Variants in TOM1L1 observed in about 807,000 individuals in gnomAD.
The protein encoded by TOM1L1 is TOM1-like protein 1.
A neutral mutation model predicts 63.4 loss-of-function variants in TOM1L1; 64 were observed. That is an observed-to-expected ratio of 1.01 (90% CI 0.83 to 1.24). The LOEUF is 1.24. Among genes scored for constraint, TOM1L1 ranks in the 50% most tolerant of loss-of-function variants. The pLI is 0.00. For synonymous variants in TOM1L1, 166 were observed against 194.4 expected, an observed-to-expected ratio of 0.85 and a Z score of 1.22; for missense variants, 536 against 567.0, an observed-to-expected ratio of 0.95 and a Z score of 0.55.
intron 2 of TOM1L1, among the ~76,000 whole-genome samples, chr17:54,904,753 C>G (rs776488487): frequency 1.3e-5 from 2 of 152,180 alleles, no homozygotes; most frequent in Non-Finnish European, 2.9e-5. Flanking sequence ...GAACACAATT[C>G]TGGTAATTTT....
intron 7 of TOM1L1, among the ~76,000 whole-genome samples, chr17:54,920,026 C>T (rs2048657761): frequency 6.6e-6 from 1 of 150,932 alleles, no homozygotes; most frequent in East Asian, 2.0e-4. Flanking sequence ...TTCATTTTTT[C>T]CCCCTCTAAC....
intron 11 of TOM1L1, among the ~76,000 whole-genome samples, chr17:54,943,792 T>C (rs1221292849): frequency 2.6e-5 from 4 of 151,562 alleles, no homozygotes; most frequent in Non-Finnish European, 2.9e-5. Flanking sequence ...TCCTAGCTAA[T>C]ACGGTGAAAC....
Position 54,914,676 on chromosome 17 carries a change from C to T in TOM1L1, c.536C>T (p.Pro179Leu). The change falls in exon 6 of 16, where the codon CCT becomes CTT. Residue 179 changes from proline (P) to leucine (L), a missense_variant. Transcript: ENST00000575882. ...TCATCAAATCCTCCAACATCTGTCC[C>T]TACTGCACCAGCTCTTTCTTCTGTA... ...QISSNPPTSVPTAPALSSVIA... is the reference protein window; with the variant it reads ...QISSNPPTSVLTAPALSSVIA... 1 of 1,614,002 alleles carries T rather than the reference C, an allele frequency of 6.2e-7. No homozygotes were observed.
chr17:54,903,615 A>G, intron 1 of TOM1L1, 93 bp from the exon 2 acceptor site: 1 of 1,123,744 alleles, frequency 8.9e-7, no homozygotes, highest in Non-Finnish European at 1.3e-6. Context: ...AAACTTAATG[A>G]CACTTGCTGG....
intron 7 of TOM1L1, among the ~76,000 whole-genome samples, chr17:54,924,349 T>TGCTCA (rs904446557): frequency 1.3e-5 from 2 of 151,078 alleles, no homozygotes; most frequent in African/African-American, 4.9e-5. Flanking sequence ...GCACGATCTC[T>TGCTCA]GCTCACTGCA....
intron 2 of TOM1L1, among the ~76,000 whole-genome samples, chr17:54,904,883 C>T (rs2048385377): frequency 6.6e-6 from 1 of 152,140 alleles, no homozygotes; most frequent in Admixed American, 6.5e-5. Flanking sequence ...ATGGTTAGTA[C>T]TTTTAAGTGT....
intron 14 of TOM1L1, among the ~76,000 whole-genome samples, chr17:54,960,292 G>A (rs2077084421): frequency 6.6e-6 from 1 of 152,156 alleles, no homozygotes; most frequent in Admixed American, 6.5e-5. Flanking sequence ...TTGAACCTGG[G>A]AGGCAGAGGT....
chr17:54,903,137 T>C (rs981265104), intron 1 of TOM1L1, among the ~76,000 whole-genome samples: 1 of 152,202 alleles, frequency 6.6e-6, no homozygotes, highest in African/African-American at 2.4e-5. Flanking sequence ...ATGTTTTGGC[T>C]CCTAAGAACA....
Position 54,936,736 on chromosome 17 carries a change from AAAC to A in TOM1L1, c.915+30_915+32del, listed in dbSNP as rs1161231077. On this transcript the variant is annotated intron_variant, in intron 9 of 15. Transcript: ENST00000575882. ...TAAGTGATGAGAAATGTTATAAAAT[AAAC>A]AATTGAACATTTTGCCAATTACAGT... is the stretch of plus-strand genomic sequence containing the variant. 2.5e-6 allele frequency: 4 copies of A among 1,582,870 alleles called. No individual in the cohort carries two copies. The African/African-American group carries it at 5.5e-5, about 22-fold the overall frequency.
chr17:54,942,827 T>C (rs1405024973), intron 11 of TOM1L1, among the ~76,000 whole-genome samples: 1 of 152,226 alleles, frequency 6.6e-6, no homozygotes, highest in Non-Finnish European at 1.5e-5. Context: ...TATTCCTTTA[T>C]AGTCACACCC....
chr17:54,906,634 G>T (rs892340035), intron 3 of TOM1L1: 19 of 417,906 alleles, frequency 4.5e-5, no homozygotes, highest in Non-Finnish European at 6.1e-5. Context: ...TTCCAAACAA[G>T]TTCTGCTGCC....
intron 12 of TOM1L1, 135 bp from the exon 13 acceptor site, chr17:54,949,379 AAAGT>A (rs1232182307): frequency 2.3e-5 from 14 of 615,892 alleles, no homozygotes; most frequent in Non-Finnish European, 3.6e-5. Flanking sequence ...TAAAAAAACT[AAAGT>A]AATAATTAAA....
At chr17:54,924,371 C>A (rs1327366296) in intron 7 of TOM1L1, among the ~76,000 whole-genome samples, 1 of 151,686 alleles carries the variant, frequency 6.6e-6, no homozygotes, top group African/African-American at 2.4e-5. Context: ...CCTCCGCCTC[C>A]CATGTTCAAG....
Position 54,915,692 on chromosome 17 carries a change from A to AG in TOM1L1, c.604-52dup. 3.2e-6 allele frequency: 4 copies of AG among 1,243,554 alleles called. No homozygotes were observed. In the Admixed American group the frequency reaches 7.6e-5, roughly 24 times the overall value. 77.0% of individuals were successfully genotyped at this position (1,243,554 alleles called of 1,614,324 possible). On this transcript the variant is annotated intron_variant, in intron 6 of 15. Coordinates refer to ENST00000575882, the MANE Select transcript of TOM1L1 (RefSeq NM_005486.3). ...AAATGTCCCATGGGGGCAGGAAACAAGGTAGTTATTCTTTGTGTGTCGCAC... is the reference window on the plus strand; with the variant it reads ...AAATGTCCCATGGGGGCAGGAAACAAGGGTAGTTATTCTTTGTGTGTCGCAC...
intron 11 of TOM1L1, among the ~76,000 whole-genome samples, chr17:54,943,466 G>GTT (rs1245762807): frequency 6.6e-6 from 1 of 151,190 alleles, no homozygotes; most frequent in African/African-American, 2.4e-5. Context: ...GTGTGTGTGT[G>GTT]TGTGTGTGTG....
intron 14 of TOM1L1, chr17:54,957,891 A>C (rs2076988691): frequency 1.3e-5 from 2 of 152,244 alleles, no homozygotes; most frequent in African/African-American, 4.8e-5. Context: ...TGGATACAGA[A>C]ATTAGACAAA....
intron 7 of TOM1L1, among the ~76,000 whole-genome samples, chr17:54,923,274 T>G (rs1392548716): frequency 6.6e-6 from 1 of 152,198 alleles, no homozygotes; most frequent in Non-Finnish European, 1.5e-5. Flanking sequence ...CTGGGTCGTA[T>G]AGTAACTTTA....
chr17:54,959,776 CAT>C (rs923214702), intron 14 of TOM1L1, among the ~76,000 whole-genome samples: 25 of 152,018 alleles, frequency 1.6e-4, no homozygotes, highest in Admixed American at 1.3e-3. Context: ...TACCACCACA[CAT>C]GATAATTTTT....
chr17:54,956,633 A>G (rs1170195580), intron 14 of TOM1L1: 1 of 151,832 alleles, frequency 6.6e-6, no homozygotes, highest in Non-Finnish European at 1.5e-5. Context: ...TTTTTTATAG[A>G]GAAGGGGGTC....
Sources: gnomAD v4.1 joint callset for allele counts (sites outside exome capture counted in the v4.1 genomes callset) on GRCh38, gnomAD v4.1.1 for gene constraint, MANE v1.5 for transcripts, NCBI Gene and HGNC (gene_info 2026-07-23, HGNC 2026-07-21) for gene names.